SUCLG2: variants seen among roughly 807,000 people sequenced by gnomAD.
SUCLG2 encodes the protein succinate--CoA ligase [GDP-forming] subunit beta, mitochondrial.
A neutral mutation model predicts 47.9 loss-of-function variants in SUCLG2; 42 were observed. The ratio of observed to expected loss-of-function variants is 0.88; its 90% CI spans 0.69 to 1.14. The LOEUF is 1.14. SUCLG2 is among the 50% of genes most tolerant of loss of function. The pLI is 0.00. For synonymous variants in SUCLG2, 195 were observed against 197.3 expected (o/e 0.99, Z 0.10); for missense variants, 571 against 525.9 (o/e 1.09, Z -0.84).
intron 2 of SUCLG2, among the ~76,000 whole-genome samples, chr3:67,554,343 T>G (rs1707099708): frequency 1.3e-5 from 2 of 152,222 alleles, no homozygotes; most frequent in South Asian, 4.1e-4. Context: ...GTTGTTGTTG[T>G]TAGGAATTTC....
chr3:67,453,736 C>A (rs1273011090), intron 9 of SUCLG2, among the ~76,000 whole-genome samples: 2 of 152,156 alleles, frequency 1.3e-5, no homozygotes, highest in Non-Finnish European at 2.9e-5. Flanking sequence ...TCTTGATATT[C>A]CTTAATAGAG....
intron 2 of SUCLG2, among the ~76,000 whole-genome samples, chr3:67,556,958 G>A (rs142546119): frequency 1.5e-3 from 234 of 152,264 alleles, no homozygotes; most frequent in Admixed American, 3.4e-3. Context: ...AACATAAATC[G>A]TAAAGTAGAA....
At chr3:67,446,354 T>TAA (rs372575700) in intron 9 of SUCLG2, among the ~76,000 whole-genome samples, 1,790 of 17,396 alleles carry the variant, frequency 0.1, 535 homozygotes, top group African/African-American at 0.32. Context: ...CATTTGTATA[T>TAA]AAAAAAAAAA....
chr3:67,537,059 T>C (rs968593221), intron 2 of SUCLG2, among the ~76,000 whole-genome samples: 1 of 152,306 alleles, frequency 6.6e-6, no homozygotes, highest in Non-Finnish European at 1.5e-5. Context: ...TTTTTAAAAT[T>C]ATACTTTAGG....
At chr3:67,381,794 T>C (rs187519939) in intron 10 of SUCLG2, among the ~76,000 whole-genome samples, 2 of 152,178 alleles carry the variant, frequency 1.3e-5, no homozygotes, top group South Asian at 2.1e-4. Context: ...GGGGATATTA[T>C]AAATAATAAC....
At chr3:67,361,433 G>A (rs1559631558) in intron 10 of SUCLG2, among the ~76,000 whole-genome samples, 1 of 152,196 alleles carries the variant, frequency 6.6e-6, no homozygotes, top group Non-Finnish European at 1.5e-5. Flanking sequence ...ACTTACAGAT[G>A]TCTCAAGATG....
intron 9 of SUCLG2, among the ~76,000 whole-genome samples, chr3:67,433,525 C>G (rs967607856): frequency 6.6e-6 from 1 of 152,070 alleles, no homozygotes; most frequent in Non-Finnish European, 1.5e-5. Context: ...GGCCCAGATT[C>G]AAGTGACTGA....
chr3:67,538,053 G>A (rs527274089), intron 2 of SUCLG2, among the ~76,000 whole-genome samples: 1 of 152,288 alleles, frequency 6.6e-6, no homozygotes, highest in Non-Finnish European at 1.5e-5. Flanking sequence ...TTCTTTTGCT[G>A]TACAGAAGCT....
chr3:67,374,255 A>C (rs1374421931), downstream of SUCLG2, among the ~76,000 whole-genome samples: 1 of 152,242 alleles, frequency 6.6e-6, no homozygotes, highest in East Asian at 1.9e-4. Flanking sequence ...TTATTTCTCC[A>C]TGGCAAACAT....
intron 2 of SUCLG2, among the ~76,000 whole-genome samples, chr3:67,609,062 C>T (rs150517925): frequency 4.5e-4 from 69 of 152,306 alleles, no homozygotes; most frequent in Admixed American, 1.7e-3. Flanking sequence ...CTGTGAATCT[C>T]ATGCAGCATG....
intron 9 of SUCLG2, among the ~76,000 whole-genome samples, chr3:67,403,330 C>G (rs1702732840): frequency 6.6e-6 from 1 of 152,164 alleles, no homozygotes; most frequent in African/African-American, 2.4e-5. Context: ...TTGTGCTTCT[C>G]TAAAACAAAG....
intron 9 of SUCLG2, among the ~76,000 whole-genome samples, chr3:67,429,078 T>G (rs1293733149): frequency 6.6e-6 from 1 of 152,022 alleles, no homozygotes; most frequent in Non-Finnish European, 1.5e-5. Flanking sequence ...AGGCCAACAT[T>G]CAGATTCAGG....
At chr3:67,392,190 C>G (rs1702403074) in intron 10 of SUCLG2, among the ~76,000 whole-genome samples, 1 of 152,154 alleles carries the variant, frequency 6.6e-6, no homozygotes, top group Non-Finnish European at 1.5e-5. Flanking sequence ...TGGACATGTC[C>G]TTACTAGGAC....
At chr3:67,654,134 C>T (rs1362716479) in intron 1 of SUCLG2, among the ~76,000 whole-genome samples, 1 of 152,228 alleles carries the variant, frequency 6.6e-6, no homozygotes, top group Non-Finnish European at 1.5e-5. Flanking sequence ...GTTTGAAAAG[C>T]AGAATTAGTA....
intron 2 of SUCLG2, among the ~76,000 whole-genome samples, chr3:67,570,932 A>G (rs983933358): frequency 6.6e-6 from 1 of 152,166 alleles, no homozygotes; most frequent in African/African-American, 2.4e-5. Flanking sequence ...GTTTTGGGGA[A>G]ACCTCACACT....
Position 67,575,739 on chromosome 3 carries a change from A to G in SUCLG2, c.226+33716T>C, listed in dbSNP as rs75295673. Among the ~76,000 whole-genome samples the G allele has an allele frequency of 7.7e-3, 1,168 of 152,330 alleles. 7 individuals are homozygous for G. The highest frequency in any genetic ancestry group is 0.012 in the Non-Finnish European group (802 of 68,012). On this transcript the variant is annotated intron_variant, in intron 2 of 10. Transcript: ENST00000307227. ...TAAAAAAGAAAGCTAGCCAACAAGG[A>G]CACCTATGAGAATTATCCTGGTAGG...
intron 2 of SUCLG2, among the ~76,000 whole-genome samples, chr3:67,531,226 T>A (rs1021344058): frequency 3.3e-5 from 5 of 152,234 alleles, no homozygotes; most frequent in African/African-American, 1.2e-4. Flanking sequence ...TGTTTTTCTT[T>A]GGAAGACATC....
intron 9 of SUCLG2, among the ~76,000 whole-genome samples, chr3:67,449,188 A>G (rs1217266920): frequency 6.6e-6 from 1 of 152,204 alleles, no homozygotes; most frequent in Non-Finnish European, 1.5e-5. Flanking sequence ...AAGTGGCTCT[A>G]TTTTATTTCA....
At chr3:67,592,437 A>G (rs1047717444) in intron 2 of SUCLG2, among the ~76,000 whole-genome samples, 1 of 152,184 alleles carries the variant, frequency 6.6e-6, no homozygotes, top group African/African-American at 2.4e-5. Context: ...CTTCAAATAC[A>G]ATCTCTCATA....
Sources: allele counts gnomAD v4.1 joint callset (sites outside exome capture counted in the v4.1 genomes callset), GRCh38; gene constraint gnomAD v4.1.1; transcripts MANE v1.5; gene names NCBI Gene and HGNC (gene_info 2026-07-23, HGNC 2026-07-21).